Variants in RALYL observed in about 807,000 individuals in gnomAD.
The protein encoded by RALYL is RNA-binding Raly-like protein.
Under a neutral mutation model 35.1 loss-of-function variants are expected in RALYL, and 29 were observed. The observed-to-expected ratio is 0.83, with a 90% confidence interval of 0.61 to 1.13. The LOEUF (loss-of-function observed/expected upper bound fraction) is 1.13, where lower values mean the gene tolerates loss of function less well. Ranked by LOEUF, RALYL falls within the 50% of genes most tolerant of loss-of-function variation. RALYL has a pLI of 0.00. For synonymous variants in RALYL, 120 were observed against 127.6 expected, an observed-to-expected ratio of 0.94 and a Z score of 0.40; for missense variants, 359 against 360.4, an observed-to-expected ratio of 1.00 and a Z score of 0.03.
chr8:84,881,197 G>A (rs776752461), intron 7 of RALYL, among the ~76,000 whole-genome samples: 20 of 151,922 alleles, frequency 1.3e-4, no homozygotes, highest in Non-Finnish European at 2.2e-4. Flanking sequence ...GTTCATTTAT[G>A]TGGCTGATAG....
chr8:84,686,909 A>G (rs1226766486), intron 2 of RALYL, among the ~76,000 whole-genome samples: 1 of 152,172 alleles, frequency 6.6e-6, no homozygotes, highest in Non-Finnish European at 1.5e-5. Context: ...TAACATGGCA[A>G]CATTGTAAAA....
In RALYL at chr8:84,398,750, G is replaced by T. The variant is rs111481284; in HGVS notation, c.-23-130549G>T. 1.5e-3 allele frequency among the ~76,000 whole-genome samples: 228 copies of T among 152,226 alleles called. 2 individuals are homozygous for T. The highest frequency in any genetic ancestry group is 4.5e-3 in the African/African-American group (186 of 41,548). On this transcript the variant is annotated intron_variant, in intron 1 of 8. Coordinates refer to ENST00000521268, the MANE Select transcript of RALYL (RefSeq NM_173848.7). ...TCACTTTGGAAGGCCAAAGCGGGTC[G>T]ATCACCTGAGGTCAGGAGTTTGAGA... is the stretch of plus-strand genomic sequence containing the variant.
intron 1 of RALYL, among the ~76,000 whole-genome samples, chr8:84,188,727 G>T (rs533933880): frequency 5.3e-5 from 8 of 152,122 alleles, no homozygotes; most frequent in African/African-American, 1.9e-4. Flanking sequence ...ATTAAATTTT[G>T]ATGTGCAGAC....
Position 84,196,626 on chromosome 8 carries a change from G to T in RALYL, c.-24+12202G>T, listed in dbSNP as rs569442409. 2.3e-3 allele frequency among the ~76,000 whole-genome samples: 350 copies of T among 152,298 alleles called. 2 individuals carry two copies. The Middle Eastern group carries it at 0.024, about 10-fold the overall frequency. On this transcript the variant is annotated intron_variant, in intron 1 of 8. Coordinates refer to ENST00000521268, the MANE Select transcript of RALYL (RefSeq NM_173848.7). Reference sequence around the variant, plus strand: ...CCACATTTCAGGAGCTCACAGGCCAGTGGCTATCACATAGAACAGTGCAAA... The same window carrying T: ...CCACATTTCAGGAGCTCACAGGCCATTGGCTATCACATAGAACAGTGCAAA...
chr8:84,618,919 A>T (rs1820547567), intron 2 of RALYL, among the ~76,000 whole-genome samples: 1 of 123,546 alleles, frequency 8.1e-6, no homozygotes, highest in Non-Finnish European at 1.7e-5. Flanking sequence ...TGAGATTCTT[A>T]ATCCTGAGTT....
chr8:84,464,620 T>C (rs1426773283), intron 1 of RALYL, among the ~76,000 whole-genome samples: 1 of 151,308 alleles, frequency 6.6e-6, no homozygotes. Flanking sequence ...TGTGTCTTTA[T>C]AGCAGCATGA....
At chr8:84,813,810 G>C (rs1826469788) in intron 4 of RALYL, among the ~76,000 whole-genome samples, 2 of 152,102 alleles carry the variant, frequency 1.3e-5, no homozygotes, top group Admixed American at 1.3e-4. Flanking sequence ...ACAACGTGCA[G>C]GTTTGTTACA....
chr8:84,469,380 A>T (rs2052321998), intron 1 of RALYL, among the ~76,000 whole-genome samples: 1 of 152,082 alleles, frequency 6.6e-6, no homozygotes, highest in African/African-American at 2.4e-5. Context: ...CCTCAGCTGC[A>T]GGTCTGTTGG....
chr8:84,750,831 C>T (rs1809810288), intron 2 of RALYL, among the ~76,000 whole-genome samples: 2 of 151,998 alleles, frequency 1.3e-5, no homozygotes, highest in South Asian at 2.1e-4. Flanking sequence ...AGATGTGGCC[C>T]CTTGACCTTG....
intron 1 of RALYL, among the ~76,000 whole-genome samples, chr8:84,467,009 T>A (rs2051782916): frequency 6.6e-6 from 1 of 152,240 alleles, no homozygotes. Flanking sequence ...CATTTTTTAT[T>A]GCATCTGTTT....
At chr8:84,429,137 A>G (rs116244672) in intron 1 of RALYL, among the ~76,000 whole-genome samples, 143 of 152,264 alleles carry the variant, frequency 9.4e-4, no homozygotes, top group African/African-American at 3.1e-3. Context: ...GGGCACGAAA[A>G]AGCATATTCT....
chr8:84,409,896 C>T (rs2043931311), intron 1 of RALYL, among the ~76,000 whole-genome samples: 1 of 151,856 alleles, frequency 6.6e-6, no homozygotes, highest in Non-Finnish European at 1.5e-5. Context: ...CTTTTATATT[C>T]TAATGGCTCT....
At chr8:84,824,768 C>A (rs559800850) in intron 4 of RALYL, among the ~76,000 whole-genome samples, 3 of 152,106 alleles carry the variant, frequency 2.0e-5, no homozygotes, top group African/African-American at 7.2e-5. Context: ...GGGGAATGGA[C>A]TTCCTATTCA....
At chr8:84,290,798 T>C (rs1838632679) in intron 1 of RALYL, among the ~76,000 whole-genome samples, 1 of 152,190 alleles carries the variant, frequency 6.6e-6, no homozygotes, top group Admixed American at 6.5e-5. Flanking sequence ...TATCTTTATA[T>C]GTTCATTAAA....
At chr8:84,654,388 T>C (rs1266225958) in intron 2 of RALYL, among the ~76,000 whole-genome samples, 1 of 147,542 alleles carries the variant, frequency 6.8e-6, no homozygotes, top group Admixed American at 6.9e-5. Flanking sequence ...CACATCAGGG[T>C]AAATGGGATA....
intron 1 of RALYL, among the ~76,000 whole-genome samples, chr8:84,217,728 T>G (rs2131262717): frequency 6.6e-6 from 1 of 152,242 alleles, no homozygotes; most frequent in Middle Eastern, 3.4e-3. Context: ...TTGGAATTAC[T>G]TTGTCTCACT....
chr8:84,280,696 T>C (rs986987116), intron 1 of RALYL, among the ~76,000 whole-genome samples: 3 of 151,188 alleles, frequency 2.0e-5, no homozygotes, highest in African/African-American at 4.8e-5. Flanking sequence ...TAGCTTTGAA[T>C]TCATAGTACC....
intron 1 of RALYL, among the ~76,000 whole-genome samples, chr8:84,325,687 C>T (rs1393857237): frequency 6.6e-6 from 1 of 152,144 alleles, no homozygotes; most frequent in African/African-American, 2.4e-5. Context: ...AATTTGTTTC[C>T]ACGCTGCCCA....
intron 8 of RALYL, among the ~76,000 whole-genome samples, chr8:84,891,400 TG>T (rs1420476350): frequency 6.6e-6 from 1 of 152,186 alleles, no homozygotes; most frequent in African/African-American, 2.4e-5. Context: ...AAAACCATTC[TG>T]TTTCAGTTTT....
Sources: gnomAD v4.1 joint callset for allele counts (sites outside exome capture counted in the v4.1 genomes callset) on GRCh38, gnomAD v4.1.1 for gene constraint, MANE v1.5 for transcripts, NCBI Gene and HGNC (gene_info 2026-07-23, HGNC 2026-07-21) for gene names.